USP3: variants seen among roughly 807,000 people sequenced by gnomAD.
USP3 encodes the protein ubiquitin carboxyl-terminal hydrolase 3.
USP3 carries 20 observed loss-of-function variants against 72.3 expected under a neutral mutation model. The ratio of observed to expected loss-of-function variants is 0.28; its 90% CI spans 0.19 to 0.40. The LOEUF (loss-of-function observed/expected upper bound fraction) is 0.40. USP3 is among the 10% of genes least tolerant of loss of function. The probability of loss-of-function intolerance (pLI) is 1.00; values close to 1 mark genes in which losing one functional copy is unlikely to be tolerated. For synonymous variants in USP3, 222 were observed against 225.3 expected (o/e 0.99, Z 0.13); for missense variants, 479 against 633.9 (o/e 0.76, Z 2.62).
intron 1 of USP3, among the ~76,000 whole-genome samples, chr15:63,506,129 C>T (rs2065709729): frequency 1.3e-5 from 2 of 152,136 alleles, no homozygotes; most frequent in African/African-American, 4.8e-5. Context: ...TGCATGAAGC[C>T]TTTGAAAATT....
At position 63,562,947 on chromosome 15, in the gene USP3, C is replaced by G. The variant is rs1375567203; in HGVS notation, c.700C>G (p.Gln234Glu). 2 of 1,612,784 alleles carry G rather than the reference C, an allele frequency of 1.2e-6. No individual in the cohort carries two copies. The highest frequency in any genetic ancestry group is 2.7e-5 in the African/African-American group (2 of 74,896). The change falls in exon 8 of 15, where the codon CAG becomes GAG. Residue 234 changes from glutamine to glutamate, a missense_variant. Gln to Glu is a conservative substitution (Grantham distance 29). Coordinates refer to ENST00000380324, the MANE Select transcript of USP3 (RefSeq NM_006537.4). ...ACTCTGTGCTTTATGGCAAGGCAGC[C>G]AGACTGCATTTAGCCCAGAGTCCTT... ...KTLCALWQGS[Q>E]TAFSPESLFY...
At chr15:63,534,615 A>G (rs981615949) in intron 2 of USP3, among the ~76,000 whole-genome samples, 6 of 152,204 alleles carry the variant, frequency 3.9e-5, no homozygotes, top group African/African-American at 1.2e-4. Context: ...TTTAGGTATC[A>G]GGCAAAACAT....
chr15:63,567,377 C>G (rs139939693), intron 8 of USP3, among the ~76,000 whole-genome samples: 1 of 137,324 alleles, frequency 7.3e-6, no homozygotes. Context: ...GACGGAGTCT[C>G]GCTCTGTTGC....
At position 63,562,989 on chromosome 15, in the gene USP3, A is replaced by G; in HGVS notation, c.742A>G (p.Lys248Glu). 1 of 1,610,814 alleles carries G rather than the reference A, an allele frequency of 6.2e-7. No individual in the cohort carries two copies. Among genetic ancestry groups the G allele is most frequent in the South Asian group, 1.1e-5 (1 of 89,870 alleles). The change falls in exon 8 of 15, where the codon AAG (lysine) becomes GAG (glutamate). Residue 248 changes from lysine (K) to glutamate (E), a missense_variant. Transcript: ENST00000380324. ...AGAGTCCTTATTTTATGTTGTTTGG[A>G]AGATTATGCCAAACTTTAGGTAAGT... Reference protein sequence around the residue: ...SPESLFYVVWKIMPNFRGYQQ... With the variant: ...SPESLFYVVWEIMPNFRGYQQ...
chr15:63,516,735 T>G (rs2065855303), intron 1 of USP3, among the ~76,000 whole-genome samples: 1 of 151,956 alleles, frequency 6.6e-6, no homozygotes, highest in African/African-American at 2.4e-5. Flanking sequence ...TAAGGTATTC[T>G]TTTCATCCTC....
intron 1 of USP3, among the ~76,000 whole-genome samples, chr15:63,520,994 G>A (rs557345634): frequency 4.0e-5 from 6 of 151,818 alleles, no homozygotes; most frequent in African/African-American, 7.3e-5. Context: ...ACCTAATGCC[G>A]GCCGCTCACT....
chr15:63,539,124 G>A (rs917794368), intron 3 of USP3, among the ~76,000 whole-genome samples: 1 of 146,480 alleles, frequency 6.8e-6, no homozygotes, highest in African/African-American at 2.5e-5. Context: ...TTTTTTTTTC[G>A]CCCTTTCCCT....
At chr15:63,590,635 T>C in intron 14 of USP3, 26 bp from the exon 15 acceptor site, 1 of 1,515,806 alleles carries the variant, frequency 6.6e-7, no homozygotes, top group South Asian at 1.3e-5. Flanking sequence ...GAGGTTCTTT[T>C]TTCCTTTGGT....
rs182158734 is a variant in USP3, at chr15:63,565,363, T to C, written c.761+2355T>C. On this transcript the variant is annotated intron_variant, in intron 8 of 14. Coordinates refer to ENST00000380324, the MANE Select transcript of USP3 (RefSeq NM_006537.4). ...AAAATTTTCTTGAAGTTTTGACCTT[T>C]TCCAACATACATATGTACTTACCAC... 5.9e-5 allele frequency among the ~76,000 whole-genome samples: 9 copies of C among 152,332 alleles called. No individual in the cohort carries two copies. The East Asian group carries it at 1.7e-3, about 29-fold the overall frequency.
At chr15:63,530,287 T>C (rs766823585) in intron 1 of USP3, among the ~76,000 whole-genome samples, 15,615 of 98,308 alleles carry the variant, frequency 0.16, 1,246 homozygotes, top group South Asian at 0.23. Flanking sequence ...CCCTCCCTCC[T>C]TCCCTCCCTT....
intron 2 of USP3, among the ~76,000 whole-genome samples, chr15:63,536,766 A>G (rs1010564666): frequency 3.3e-5 from 5 of 152,034 alleles, no homozygotes; most frequent in African/African-American, 1.2e-4. Flanking sequence ...AGGCAGGAGA[A>G]TGGTGTGAAC....
At chr15:63,531,771 G>T (rs1595719228) in intron 1 of USP3, among the ~76,000 whole-genome samples, 2 of 152,250 alleles carry the variant, frequency 1.3e-5, no homozygotes, top group Non-Finnish European at 2.9e-5. Context: ...TGGTTGTGCT[G>T]CAGTGCTCCT....
intron 14 of USP3, 61 bp downstream of exon 14, chr15:63,589,072 C>A: frequency 1.3e-6 from 2 of 1,553,638 alleles, no homozygotes; most frequent in Non-Finnish European, 1.8e-6. Context: ...CAATGACCTG[C>A]AGTTTTGTAC....
At chr15:63,521,125 T>C (rs1279004118) in intron 1 of USP3, among the ~76,000 whole-genome samples, 4 of 148,610 alleles carry the variant, frequency 2.7e-5, no homozygotes, top group Non-Finnish European at 5.9e-5. Context: ...GATAGCAAAC[T>C]AGATACATTC....
At position 63,570,533 on chromosome 15, in the gene USP3, A is replaced by T; in HGVS notation, c.862A>T (p.Ile288Phe). Residue 288 changes from isoleucine (I) to phenylalanine (F), a missense_variant, in exon 9 of 15, where the codon ATT (isoleucine) becomes TTT (phenylalanine). Transcript: ENST00000380324. This position sits in a 1 kb window ranked among gnomAD's most constrained non-coding sequence, Gnocchi z 4.4. ...GGFNGVSRSAILQENSTLSAS... is the reference protein window; with the variant it reads ...GGFNGVSRSAFLQENSTLSAS... ...TTTCAACGGTGTTTCCCGCTCAGCA[A>T]TTCTGCAGGAGAATTCTACTCTGTC... 1 of 1,614,200 alleles carries T rather than the reference A, an allele frequency of 6.2e-7. No individual in the cohort carries two copies. Among genetic ancestry groups the T allele is most frequent in the Non-Finnish European group, 8.5e-7 (1 of 1,180,014 alleles).
chr15:63,557,262 G>GT (rs886503618), intron 5 of USP3, among the ~76,000 whole-genome samples: 6 of 150,088 alleles, frequency 4.0e-5, no homozygotes, highest in Admixed American at 6.6e-5. Context: ...TTTTGTTTTT[G>GT]TTTTTGTTTT....
chr15:63,555,817 C>T (rs1274615743), intron 4 of USP3, among the ~76,000 whole-genome samples: 1 of 152,100 alleles, frequency 6.6e-6, no homozygotes, highest in African/African-American at 2.4e-5. Context: ...AAGCAACTGT[C>T]ACTAGTTCTG....
intron 1 of USP3, among the ~76,000 whole-genome samples, chr15:63,525,981 A>G (rs747603291): frequency 1.1e-4 from 17 of 152,208 alleles, no homozygotes; most frequent in Non-Finnish European, 1.9e-4. Context: ...ATTTTGATTT[A>G]ACTTTCCACT....
intron 1 of USP3, among the ~76,000 whole-genome samples, chr15:63,519,998 C>T (rs1169135336): frequency 1.3e-5 from 2 of 152,110 alleles, no homozygotes; most frequent in Non-Finnish European, 2.9e-5. Context: ...CTTTCTCGCA[C>T]AAGATGTTCC....
Sources: allele counts gnomAD v4.1 joint callset (sites outside exome capture counted in the v4.1 genomes callset), GRCh38; gene constraint gnomAD v4.1.1; non-coding constraint Gnocchi (gnomAD v3.1); transcripts MANE v1.5; gene names NCBI Gene and HGNC (gene_info 2026-07-23, HGNC 2026-07-21).